Variants in SLC22A25 observed in about 807,000 individuals in gnomAD.
SLC22A25 encodes the protein MGI:2442751, MGI:2385316, MGI:3042283, MGI:3645714, MGI:3605624, MGI:2442750.
SLC22A25 carries 44 observed loss-of-function variants against 45.9 expected under a neutral mutation model. The observed-to-expected ratio is 0.96, with a 90% CI of 0.75 to 1.23. The LOEUF is 1.23. Ranked by LOEUF, SLC22A25 falls within the 50% of genes most tolerant of loss-of-function variation. The pLI is 0.00. For synonymous variants in SLC22A25, 283 were observed against 238.6 expected (o/e 1.19, Z -1.72); for missense variants, 800 against 666.4 (o/e 1.20, Z -2.21).
At chr11:63,227,444 G>A (rs2508207) in intron 5 of SLC22A25, among the ~76,000 whole-genome samples, 1,666 of 152,178 alleles carry the variant, frequency 0.011, 14 homozygotes, top group Non-Finnish European at 0.017. Flanking sequence ...TGTCATCCAG[G>A]AGTTAGGTCC....
intron 5 of SLC22A25, among the ~76,000 whole-genome samples, chr11:63,227,512 A>G (rs2089985625): frequency 6.6e-6 from 1 of 152,112 alleles, no homozygotes; most frequent in South Asian, 2.1e-4. Flanking sequence ...CTGAGCTGGT[A>G]TCCAAGTTGT....
At chr11:63,205,887 C>T (rs180853694) in intron 7 of SLC22A25, among the ~76,000 whole-genome samples, 1 of 152,214 alleles carries the variant, frequency 6.6e-6, no homozygotes, top group Admixed American at 6.5e-5. Context: ...AACATTAGTG[C>T]AAAAATCCTC....
intron 9 of SLC22A25, among the ~76,000 whole-genome samples, chr11:63,169,281 C>G (rs1445568203): frequency 1.3e-5 from 2 of 152,156 alleles, no homozygotes; most frequent in Non-Finnish European, 1.5e-5. Flanking sequence ...AACTAAGCAG[C>G]TAACATCATG....
intron 3 of SLC22A25, among the ~76,000 whole-genome samples, chr11:63,232,002 T>G (rs1237134361): frequency 2.0e-5 from 3 of 152,244 alleles, no homozygotes. Flanking sequence ...ATCTCTGTTT[T>G]GGTACCAGTA....
chr11:63,231,847 A>G (rs2090074820), intron 3 of SLC22A25, among the ~76,000 whole-genome samples: 2 of 152,212 alleles, frequency 1.3e-5, no homozygotes, highest in Admixed American at 6.5e-5. Context: ...AGCTTTCTAC[A>G]TATGGCTAGC....
chr11:63,188,843 T>A (rs2088674868), intron 7 of SLC22A25, among the ~76,000 whole-genome samples: 1 of 152,230 alleles, frequency 6.6e-6, no homozygotes, highest in African/African-American at 2.4e-5. Context: ...AGTTTCCATG[T>A]AGTTGAGTGG....
At chr11:63,225,682 G>A (rs997978394) in intron 5 of SLC22A25, among the ~76,000 whole-genome samples, 2 of 152,056 alleles carry the variant, frequency 1.3e-5, no homozygotes, top group Admixed American at 1.3e-4. Flanking sequence ...CTCTGTATTT[G>A]TGAAGTTCTC....
At chr11:63,229,169 A>G in intron 4 of SLC22A25, 82 bp downstream of exon 4, 1 of 1,406,114 alleles carries the variant, frequency 7.1e-7, no homozygotes. Context: ...ACATGTGACT[A>G]AAGGCTGGAA....
At chr11:63,209,700 T>G (rs2089506167) in intron 7 of SLC22A25, among the ~76,000 whole-genome samples, 1 of 152,194 alleles carries the variant, frequency 6.6e-6, no homozygotes, top group African/African-American at 2.4e-5. Flanking sequence ...TACTGATCTC[T>G]TAAATTGGAA....
chr11:63,206,404 A>C (rs961105701), intron 7 of SLC22A25, among the ~76,000 whole-genome samples: 2 of 152,228 alleles, frequency 1.3e-5, no homozygotes, highest in African/African-American at 4.8e-5. Flanking sequence ...CTCAGTCCAA[A>C]ATCTTCTTAA....
intron 9 of SLC22A25, among the ~76,000 whole-genome samples, chr11:63,170,759 T>C (rs781478014): frequency 1.3e-5 from 2 of 148,668 alleles, no homozygotes; most frequent in African/African-American, 5.2e-5. Flanking sequence ...GAACAATTCC[T>C]TCTGAAAATT....
intron 5 of SLC22A25, among the ~76,000 whole-genome samples, chr11:63,228,097 T>C (rs556243435): frequency 6.6e-6 from 1 of 152,368 alleles, no homozygotes; most frequent in South Asian, 2.1e-4. Flanking sequence ...ACTTGATTTT[T>C]GGTTCTTATG....
rs1565056853 is a variant in SLC22A25, at chr11:63,164,460, G to T, written c.1394+66C>A. The T allele has an allele frequency of 1.5e-5, 21 of 1,362,340 alleles. No individual in the cohort carries two copies. In the South Asian group the frequency reaches 1.7e-4, roughly 11 times the overall value. The allele number at this position is 1,362,340 out of a possible 1,614,324, so 84.4% of individuals were successfully genotyped here. A position where few individuals can be genotyped will look rare whatever the true frequency, so the allele number is the denominator to read the frequency against. On this transcript the variant is annotated intron_variant, in intron 11 of 11. Transcript: ENST00000306494. Reference sequence around the variant, plus strand: ...AACTTGTCTTGGATTTTTTTCCCTTGTTAAGTGTCAATTGGTTGAGACAGG... The same window carrying T: ...AACTTGTCTTGGATTTTTTTCCCTTTTTAAGTGTCAATTGGTTGAGACAGG...
chr11:63,224,588 G>A (rs907336857), intron 5 of SLC22A25, among the ~76,000 whole-genome samples: 2 of 151,234 alleles, frequency 1.3e-5, no homozygotes, highest in Non-Finnish European at 2.9e-5. Context: ...TTTATTTTTT[G>A]TGTATCCATT....
chr11:63,195,103 G>C (rs1432601416), intron 7 of SLC22A25, among the ~76,000 whole-genome samples: 3 of 151,798 alleles, frequency 2.0e-5, no homozygotes, highest in African/African-American at 7.3e-5. Context: ...GATTCATAAA[G>C]CTAGTCCTTA....
intron 7 of SLC22A25, among the ~76,000 whole-genome samples, chr11:63,204,343 A>T (rs2089335242): frequency 6.6e-6 from 1 of 151,112 alleles, no homozygotes; most frequent in Non-Finnish European, 1.5e-5. Flanking sequence ...TAAATGCCCC[A>T]AATAAAATAC....
chr11:63,223,683 A>C (rs747480428), intron 5 of SLC22A25, among the ~76,000 whole-genome samples: 2 of 151,214 alleles, frequency 1.3e-5, no homozygotes, highest in African/African-American at 2.4e-5. Flanking sequence ...TTGCTTTTCT[A>C]GTTCTTTAAG....
At chr11:63,208,450 T>C (rs946473891) in intron 7 of SLC22A25, among the ~76,000 whole-genome samples, 2 of 152,180 alleles carry the variant, frequency 1.3e-5, no homozygotes, top group Non-Finnish European at 2.9e-5. Context: ...AAAGTGAAAG[T>C]GGTTCATTGG....
At chr11:63,206,829 G>T (rs190430301) in intron 7 of SLC22A25, among the ~76,000 whole-genome samples, 1 of 152,068 alleles carries the variant, frequency 6.6e-6, no homozygotes, top group Non-Finnish European at 1.5e-5. Context: ...CCAAGGCAAT[G>T]TTAAGCAAAA....
Sources: allele counts gnomAD v4.1 joint callset (sites outside exome capture counted in the v4.1 genomes callset), GRCh38; gene constraint gnomAD v4.1.1; transcripts MANE v1.5; gene names NCBI Gene and HGNC (gene_info 2026-07-23, HGNC 2026-07-21).